The following KIAA1217 variants were observed in gnomAD, a reference collection of about 807,000 sequenced individuals.
The protein encoded by KIAA1217 is KIAA1217, also known as sickle tail protein homolog.
KIAA1217 carries 88 observed loss-of-function variants against 163.9 expected under a neutral mutation model. The observed-to-expected ratio is 0.54, with a 90% CI of 0.45 to 0.64. KIAA1217 has a LOEUF of 0.64. Ranked by LOEUF, KIAA1217 falls within the 30% of genes least tolerant of loss-of-function variation. The probability of loss-of-function intolerance (pLI) is 0.00; values close to 1 mark genes in which losing one functional copy is unlikely to be tolerated. For synonymous variants in KIAA1217, 903 were observed against 923.1 expected, an observed-to-expected ratio of 0.98 and a Z score of 0.39; for missense variants, 2,372 against 2,475.0, an observed-to-expected ratio of 0.96 and a Z score of 0.88.
intron 1 of KIAA1217, among the ~76,000 whole-genome samples, chr10:23,770,198 T>C (rs1564405371): frequency 6.6e-6 from 1 of 152,196 alleles, no homozygotes; most frequent in Non-Finnish European, 1.5e-5. Context: ...TTAATCATGT[T>C]TGGGGAACAC....
intron 1 of KIAA1217, among the ~76,000 whole-genome samples, chr10:23,750,976 T>TCTTCCCTTTCCTTCCCTTCC: frequency 6.7e-6 from 1 of 150,352 alleles, no homozygotes; most frequent in African/African-American, 2.5e-5. Flanking sequence ...CCCTTCCCTT[T>TCTTCCCTTTCCTTCCCTTCC]CTTCCCTTTC....
At chr10:23,892,811 C>T (rs368209157) in intron 1 of KIAA1217, among the ~76,000 whole-genome samples, 118 of 151,914 alleles carry the variant, frequency 7.8e-4, no homozygotes, top group Non-Finnish European at 1.0e-3. Context: ...CAAAAATAAA[C>T]CCACAGCTTA....
chr10:24,536,977 C>T, intron 17 of KIAA1217, 84 bp downstream of exon 17: 1 of 1,492,556 alleles, frequency 6.7e-7, no homozygotes, highest in Admixed American at 1.9e-5. Flanking sequence ...TATACTCGAC[C>T]TTTGTCCCCT....
At chr10:23,818,991 G>A (rs1000534751) in intron 1 of KIAA1217, among the ~76,000 whole-genome samples, 3 of 152,104 alleles carry the variant, frequency 2.0e-5, no homozygotes, top group Non-Finnish European at 4.4e-5. Flanking sequence ...TTGTCATTAT[G>A]CTGGTTCATA....
chr10:23,714,712 G>T (rs1837464871), intron 1 of KIAA1217, among the ~76,000 whole-genome samples: 1 of 152,002 alleles, frequency 6.6e-6, no homozygotes, highest in Admixed American at 6.6e-5. Context: ...TTGTGAAAAG[G>T]CCATATTTGC....
intron 5 of KIAA1217, among the ~76,000 whole-genome samples, chr10:24,446,356 C>T (rs940593561): frequency 2.0e-5 from 3 of 151,710 alleles, no homozygotes. Context: ...TTTAATTTTG[C>T]TTCATTCTCT....
At chr10:24,385,010 G>A (rs1468088668) in intron 3 of KIAA1217, among the ~76,000 whole-genome samples, 4 of 152,234 alleles carry the variant, frequency 2.6e-5, no homozygotes, top group Non-Finnish European at 5.9e-5. Context: ...CACGGGGCCT[G>A]GAGTAAGGAG....
intron 1 of KIAA1217, among the ~76,000 whole-genome samples, chr10:23,767,969 C>T (rs1834616633): frequency 6.6e-6 from 1 of 152,170 alleles, no homozygotes; most frequent in Non-Finnish European, 1.5e-5. Flanking sequence ...CTTCAAGAGA[C>T]CAGAAGGAGG....
chr10:24,343,487 C>A (rs906449367), intron 2 of KIAA1217, among the ~76,000 whole-genome samples: 2 of 151,988 alleles, frequency 1.3e-5, no homozygotes, highest in African/African-American at 4.8e-5. Flanking sequence ...ATTTTTAGAC[C>A]ACTTCATAAA....
At chr10:24,002,873 C>A (rs1218558429) in intron 1 of KIAA1217, among the ~76,000 whole-genome samples, 2 of 152,136 alleles carry the variant, frequency 1.3e-5, no homozygotes, top group Non-Finnish European at 2.9e-5. Context: ...CATTGTTTAG[C>A]TCCGAAGTTA....
chr10:23,826,412 G>T (rs1204211248), intron 1 of KIAA1217, among the ~76,000 whole-genome samples: 1 of 152,098 alleles, frequency 6.6e-6, no homozygotes, highest in Non-Finnish European at 1.5e-5. Flanking sequence ...AGTAAGCTGG[G>T]CATGGTAGCA....
At chr10:23,893,218 G>T (rs1841492249) in intron 1 of KIAA1217, among the ~76,000 whole-genome samples, 1 of 152,020 alleles carries the variant, frequency 6.6e-6, no homozygotes, top group African/African-American at 2.4e-5. Context: ...GTTTAGTCTT[G>T]GGAGGGTGTA....
At chr10:24,521,735 G>A (rs749909353) in intron 11 of KIAA1217, 47 bp from the exon 12 acceptor site, 15 of 1,590,742 alleles carry the variant, frequency 9.4e-6, no homozygotes, top group East Asian at 4.5e-5. Flanking sequence ...GAGGGTTGTC[G>A]TTCTGGCTTT....
intron 2 of KIAA1217, among the ~76,000 whole-genome samples, chr10:24,111,036 C>T (rs1474989357): frequency 6.6e-6 from 1 of 152,028 alleles, no homozygotes; most frequent in Non-Finnish European, 1.5e-5. Context: ...TAATGTACGC[C>T]AAGAATGATT....
intron 2 of KIAA1217, among the ~76,000 whole-genome samples, chr10:24,164,289 A>G (rs934068092): frequency 1.3e-5 from 2 of 152,224 alleles, no homozygotes; most frequent in African/African-American, 4.8e-5. Context: ...ACTTAGGTTC[A>G]CTTCAAGGAT....
Position 24,396,398 on chromosome 10 carries a change from A to G in KIAA1217, c.553+15331A>G, listed in dbSNP as rs1229020504. ...GTATCTACCAGGCAATCTTAATAAA[A>G]CAGCCACAAACCTCTGGCTTCTGGA... On this transcript the variant is annotated intron_variant, in intron 3 of 20. Coordinates refer to ENST00000376454, the MANE Select transcript of KIAA1217 (RefSeq NM_019590.5). 2.0e-5 allele frequency among the ~76,000 whole-genome samples: 3 copies of G among 152,322 alleles called. No individual in the cohort carries two copies. The East Asian group carries it at 5.8e-4, about 29-fold the overall frequency.
chr10:24,130,930 C>T (rs2063630619), intron 2 of KIAA1217, among the ~76,000 whole-genome samples: 2 of 152,134 alleles, frequency 1.3e-5, no homozygotes, highest in Non-Finnish European at 1.5e-5. Flanking sequence ...TCTAACTTTC[C>T]TTGGTATACT....
chr10:23,987,799 C>G (rs1379208477), intron 1 of KIAA1217, among the ~76,000 whole-genome samples: 1 of 152,124 alleles, frequency 6.6e-6, no homozygotes, highest in African/African-American at 2.4e-5. Context: ...CAGCTCCTCT[C>G]ATCTTATTGT....
chr10:24,014,317 A>G (rs1847379161), intron 2 of KIAA1217, among the ~76,000 whole-genome samples: 1 of 152,214 alleles, frequency 6.6e-6, no homozygotes, highest in East Asian at 1.9e-4. Flanking sequence ...CATTGGAGAA[A>G]CTATGTGTTC....
Sources: gnomAD v4.1 joint callset for allele counts (sites outside exome capture counted in the v4.1 genomes callset) on GRCh38, gnomAD v4.1.1 for gene constraint, MANE v1.5 for transcripts, NCBI Gene and HGNC (gene_info 2026-07-23, HGNC 2026-07-21) for gene names.